The following TBC1D19 variants were observed in gnomAD, a reference collection of about 807,000 sequenced individuals.
The protein encoded by TBC1D19 is TBC1 domain family member 19.
Under a neutral mutation model 89.0 loss-of-function variants are expected in TBC1D19, and 60 were observed. That is an observed-to-expected ratio of 0.67 (90% CI 0.55 to 0.84). The LOEUF (loss-of-function observed/expected upper bound fraction) is 0.84, where lower values mean the gene tolerates loss of function less well. TBC1D19 is among the 40% of genes least tolerant of loss of function. The probability of loss-of-function intolerance (pLI) is 0.00; values close to 1 mark genes in which losing one functional copy is unlikely to be tolerated. For missense variants in TBC1D19, 500 were observed against 610.8 expected (o/e 0.82, Z 1.91); for synonymous variants, 189 against 199.7 (o/e 0.95, Z 0.45).
intron 13 of TBC1D19, among the ~76,000 whole-genome samples, chr4:26,708,942 C>A (rs531278045): frequency 3.0e-4 from 46 of 151,096 alleles, no homozygotes; most frequent in African/African-American, 1.0e-3. Flanking sequence ...CTTTCTATAG[C>A]AAATCTGCCA....
chr4:26,819,910 G>A, the TBC1D19 span, among the ~76,000 whole-genome samples: 563 of 152,230 alleles, frequency 3.7e-3, 1 homozygote, highest in African/African-American at 5.3e-3. Context: ...TGGAATGCTC[G>A]TCCCTCAGAT....
At chr4:26,767,335 A>G in the TBC1D19 span, among the ~76,000 whole-genome samples, 1 of 152,172 alleles carries the variant, frequency 6.6e-6, no homozygotes, top group Non-Finnish European at 1.5e-5. Flanking sequence ...CATATACACA[A>G]ACTATTAATA....
chr4:26,610,841 T>G (rs1391122931), intron 1 of TBC1D19, among the ~76,000 whole-genome samples: 1 of 152,170 alleles, frequency 6.6e-6, no homozygotes, highest in Non-Finnish European at 1.5e-5. Flanking sequence ...CTTTATCCAG[T>G]CTACTGTTGA....
intron 7 of TBC1D19, among the ~76,000 whole-genome samples, chr4:26,657,467 T>A (rs554242869): frequency 1.3e-5 from 2 of 152,326 alleles, no homozygotes; most frequent in South Asian, 4.1e-4. Flanking sequence ...TGCCACATTT[T>A]CTTTATCCAG....
At chr4:26,599,074 A>G (rs1292414354) in intron 1 of TBC1D19, among the ~76,000 whole-genome samples, 19 of 152,090 alleles carry the variant, frequency 1.2e-4, no homozygotes, top group Admixed American at 1.2e-3. Context: ...ATATATGTAT[A>G]TTTGTAAAAT....
chr4:26,750,006 AC>A (rs1560512234), intron 19 of TBC1D19, among the ~76,000 whole-genome samples: 1 of 152,182 alleles, frequency 6.6e-6, no homozygotes, highest in Non-Finnish European at 1.5e-5. Context: ...GTTGAGTATA[AC>A]TTTTTCTAAA....
intron 14 of TBC1D19, among the ~76,000 whole-genome samples, chr4:26,719,367 T>A (rs1006422674): frequency 6.6e-6 from 1 of 152,198 alleles, no homozygotes; most frequent in African/African-American, 2.4e-5. Context: ...GAACTTTTTT[T>A]AACTAAAAAT....
chr4:26,666,991 T>C (rs1175057857), intron 9 of TBC1D19, among the ~76,000 whole-genome samples: 1 of 151,962 alleles, frequency 6.6e-6, no homozygotes, highest in Non-Finnish European at 1.5e-5. Context: ...CCTCTGCCAC[T>C]GGCTAACTGT....
At chr4:26,769,398 C>CT in the TBC1D19 span, among the ~76,000 whole-genome samples, 1 of 151,732 alleles carries the variant, frequency 6.6e-6, no homozygotes, top group South Asian at 2.1e-4. Flanking sequence ...AATAGAAAGG[C>CT]TTTTTCTTAT....
At chr4:26,702,248 C>T (rs1176842360) in intron 13 of TBC1D19, 1 of 152,068 alleles carries the variant, frequency 6.6e-6, no homozygotes, top group Non-Finnish European at 1.5e-5. Context: ...TTATAAGTAA[C>T]TGAACTAATA....
intron 11 of TBC1D19, among the ~76,000 whole-genome samples, chr4:26,681,500 G>A (rs542090245): frequency 1.3e-5 from 2 of 152,118 alleles, no homozygotes; most frequent in East Asian, 1.9e-4. Flanking sequence ...GCAGTGCACC[G>A]AGATCGTGCC....
chr4:26,831,578 C>CTTTTTTTTTTTTTCTTTTTTTTT, the TBC1D19 span, among the ~76,000 whole-genome samples: 1 of 123,372 alleles, frequency 8.1e-6, no homozygotes, highest in African/African-American at 4.0e-5. Context: ...TCTTTTTCTT[C>CTTTTTTTTTTTTTCTTTTTTTTT]TTTTTTTTTT....
At chr4:26,770,073 A>C in the TBC1D19 span, among the ~76,000 whole-genome samples, 2 of 152,088 alleles carry the variant, frequency 1.3e-5, no homozygotes, top group Non-Finnish European at 2.9e-5. Flanking sequence ...TAGAAAAAAA[A>C]AACAACATGG....
chr4:26,641,097 C>T (rs563219323), intron 7 of TBC1D19, among the ~76,000 whole-genome samples: 1 of 152,350 alleles, frequency 6.6e-6, no homozygotes, highest in African/African-American at 2.4e-5. Context: ...AGACTGCCTC[C>T]TCAAGTGGGT....
chr4:26,827,583 G>A, the TBC1D19 span, among the ~76,000 whole-genome samples: 2 of 152,206 alleles, frequency 1.3e-5, no homozygotes, highest in African/African-American at 2.4e-5. Flanking sequence ...CAGCCTGGGC[G>A]AGAGAGCAAG....
chr4:26,774,279 A>G, the TBC1D19 span, among the ~76,000 whole-genome samples: 1 of 152,218 alleles, frequency 6.6e-6, no homozygotes, highest in Non-Finnish European at 1.5e-5. Flanking sequence ...TTTTCATTTT[A>G]GTTTTTTGCC....
chr4:26,779,186 T>G, the TBC1D19 span, among the ~76,000 whole-genome samples: 1 of 152,178 alleles, frequency 6.6e-6, no homozygotes, highest in Non-Finnish European at 1.5e-5. Flanking sequence ...TCCTAAAAGT[T>G]TCTGGAGTTA....
At chr4:26,814,768 C>T in the TBC1D19 span, among the ~76,000 whole-genome samples, 1 of 152,350 alleles carries the variant, frequency 6.6e-6, no homozygotes, top group East Asian at 1.9e-4. Context: ...TGCCTATTAT[C>T]CCAATGCTTT....
chr4:26,711,419 G>A (rs974707751), intron 13 of TBC1D19, among the ~76,000 whole-genome samples: 7 of 151,930 alleles, frequency 4.6e-5, no homozygotes, highest in Admixed American at 1.3e-4. Context: ...TTTTATAATA[G>A]TTTTACGTTA....
Sources: gnomAD v4.1 joint callset for allele counts (sites outside exome capture counted in the v4.1 genomes callset) on GRCh38, gnomAD v4.1.1 for gene constraint, MANE v1.5 for transcripts, NCBI Gene and HGNC (gene_info 2026-07-23, HGNC 2026-07-21) for gene names.